ZC3H12B: variants seen among roughly 807,000 people sequenced by gnomAD.
The protein encoded by ZC3H12B is probable ribonuclease ZC3H12B.
ZC3H12B carries 7 observed loss-of-function variants against 43.9 expected under a neutral mutation model. That is an observed-to-expected ratio of 0.16 (90% CI 0.09 to 0.30). The LOEUF is 0.30. Among genes scored for constraint, ZC3H12B ranks in the 10% least tolerant of loss-of-function variants. ZC3H12B has a pLI of 1.00. For missense variants in ZC3H12B, 475 were observed against 670.2 expected (o/e 0.71, Z 3.22); for synonymous variants, 222 against 241.7 (o/e 0.92, Z 0.76).
chrX:65,162,856 T>A, the ZC3H12B span, among the ~76,000 whole-genome samples: 1 of 111,906 alleles, frequency 8.9e-6, no homozygotes, highest in African/African-American at 3.2e-5. Context: ...CTTTTTAGAG[T>A]TTCCAGTTTT....
At chrX:65,310,663 AG>A in the ZC3H12B span, among the ~76,000 whole-genome samples, 1 of 111,882 alleles carries the variant, frequency 8.9e-6, no homozygotes, top group African/African-American at 3.3e-5. Context: ...GTTCATATGG[AG>A]CCAAAAGAGA....
intron 3 of ZC3H12B, among the ~76,000 whole-genome samples, chrX:65,459,382 A>G (rs1234052372): frequency 2.7e-5 from 3 of 111,749 alleles, no homozygotes; most frequent in Non-Finnish European, 5.6e-5. Flanking sequence ...CCTGATACCA[A>G]AGCCTGGCAG....
the ZC3H12B span, among the ~76,000 whole-genome samples, chrX:65,226,522 C>T: frequency 1.8e-5 from 2 of 111,547 alleles, no homozygotes; most frequent in Non-Finnish European, 3.8e-5. Flanking sequence ...ATCAAATTCA[C>T]ACATAACAAT....
At chrX:65,236,802 G>A in the ZC3H12B span, among the ~76,000 whole-genome samples, 1 of 111,659 alleles carries the variant, frequency 9.0e-6, no homozygotes, top group African/African-American at 3.3e-5. Flanking sequence ...ATTAAATAGG[G>A]GATTGTCTTC....
chrX:65,267,021 C>G, the ZC3H12B span, among the ~76,000 whole-genome samples: 1 of 110,120 alleles, frequency 9.1e-6, no homozygotes, highest in African/African-American at 3.3e-5. Context: ...CAGAGCTTGA[C>G]ACATGCTCAG....
chrX:65,451,485 C>A (rs2067511300), intron 3 of ZC3H12B, among the ~76,000 whole-genome samples: 1 of 110,604 alleles, frequency 9.0e-6, no homozygotes, highest in African/African-American at 3.3e-5. Flanking sequence ...TCTTCATGTT[C>A]CTTTTTATTT....
chrX:65,043,926 ACATT>A, the ZC3H12B span, among the ~76,000 whole-genome samples: 1 of 112,047 alleles, frequency 8.9e-6, no homozygotes, highest in Non-Finnish European at 1.9e-5. Context: ...TTTGATCTAT[ACATT>A]CATTCAACAT....
At chrX:65,167,055 C>A in the ZC3H12B span, among the ~76,000 whole-genome samples, 1 of 111,857 alleles carries the variant, frequency 8.9e-6, no homozygotes, top group South Asian at 3.7e-4. Flanking sequence ...AATTAGATTG[C>A]ATTTGTCACT....
chrX:65,183,473 A>G, the ZC3H12B span, among the ~76,000 whole-genome samples: 3 of 111,413 alleles, frequency 2.7e-5, no homozygotes, highest in Admixed American at 2.9e-4. Context: ...TATACTCATC[A>G]TCTGAGTACA....
upstream of ZC3H12B, among the ~76,000 whole-genome samples, chrX:65,363,083 G>C (rs1272775619): frequency 1.8e-5 from 2 of 111,439 alleles, no homozygotes; most frequent in Non-Finnish European, 3.8e-5. Flanking sequence ...CTGCTGCAAG[G>C]CTTCAGGGAC....
chrX:65,085,968 G>C, the ZC3H12B span, among the ~76,000 whole-genome samples: 1 of 109,260 alleles, frequency 9.2e-6, no homozygotes. Flanking sequence ...AAGTAACAAT[G>C]ATATCAGATA....
At chrX:65,441,868 C>T (rs766684819) in intron 3 of ZC3H12B, among the ~76,000 whole-genome samples, 3 of 110,580 alleles carry the variant, frequency 2.7e-5, no homozygotes, top group Non-Finnish European at 5.7e-5. Flanking sequence ...GCCAGAAATG[C>T]CCCAGTTTAG....
the ZC3H12B span, among the ~76,000 whole-genome samples, chrX:65,212,550 A>G: frequency 5.2e-5 from 4 of 76,288 alleles, no homozygotes; most frequent in East Asian, 3.8e-4. Context: ...ATATTTATAT[A>G]TTATATTATA....
chrX:65,394,573 G>A (rs1250125947), intron 2 of ZC3H12B, among the ~76,000 whole-genome samples: 1 of 111,786 alleles, frequency 8.9e-6, no homozygotes, highest in Non-Finnish European at 1.9e-5. Context: ...ATCTGATTTG[G>A]TACCAGTATC....
the ZC3H12B span, among the ~76,000 whole-genome samples, chrX:65,326,529 G>T: frequency 9.1e-6 from 1 of 109,459 alleles, no homozygotes; most frequent in Non-Finnish European, 1.9e-5. Context: ...GGACGATAAA[G>T]AGAAGTTGAT....
At chrX:65,397,116 C>A (rs772803990) in intron 2 of ZC3H12B, among the ~76,000 whole-genome samples, 8 of 111,523 alleles carry the variant, frequency 7.2e-5, no homozygotes, top group Non-Finnish European at 1.5e-4. Context: ...AGATGGGTCT[C>A]CTCAATACTG....
the ZC3H12B span, among the ~76,000 whole-genome samples, chrX:65,205,189 T>G: frequency 8.9e-6 from 1 of 112,033 alleles, no homozygotes. Context: ...CTTTTTTTTG[T>G]TCAACCGGAT....
At chrX:65,330,267 T>A in the ZC3H12B span, among the ~76,000 whole-genome samples, 2 of 111,800 alleles carry the variant, frequency 1.8e-5, no homozygotes, top group Non-Finnish European at 1.9e-5. Flanking sequence ...ATCCTGAAAC[T>A]TTGATGAAGT....
chrX:65,161,683 T>C, the ZC3H12B span, among the ~76,000 whole-genome samples: 1 of 112,093 alleles, frequency 8.9e-6, no homozygotes, highest in African/African-American at 3.2e-5. Flanking sequence ...GTTTCCTGAA[T>C]ACAGCACACT....
Sources: gnomAD v4.1 joint callset for allele counts (sites outside exome capture counted in the v4.1 genomes callset) on GRCh38, gnomAD v4.1.1 for gene constraint, MANE v1.5 for transcripts, NCBI Gene and HGNC (gene_info 2026-07-23, HGNC 2026-07-21) for gene names.